Variants in LGR5 observed in about 807,000 individuals in gnomAD.
The protein encoded by LGR5 is leucine-rich repeat-containing G protein-coupled receptor 5.
A neutral mutation model predicts 76.7 loss-of-function variants in LGR5; 54 were observed. That is an observed-to-expected ratio of 0.70 (90% CI 0.57 to 0.88). LGR5 has a LOEUF of 0.88. LGR5 is among the 40% of genes least tolerant of loss of function. The probability of loss-of-function intolerance (pLI) is 0.00; values close to 1 mark genes in which losing one functional copy is unlikely to be tolerated. For synonymous variants in LGR5, 406 were observed against 421.9 expected (o/e 0.96, Z 0.46); for missense variants, 1,078 against 1,073.3 (o/e 1.00, Z -0.06).
Position 71,584,480 on chromosome 12 carries a change from A to AG in LGR5, c.2470_2471insG (p.Asn824ArgfsTer5). ...CAATCCCCTTCTCTACATCTTGTTC[A>AG]ATCCTCACTTTAAGGAGGATCTGGT... On this transcript the variant is annotated frameshift_variant, in exon 18 of 18. Transcript: ENST00000266674. LOFTEE classifies it high-confidence loss of function. 6.2e-7 allele frequency: 1 copy of AG among 1,614,158 alleles called. No individual in the cohort carries two copies. The highest frequency in any genetic ancestry group is 1.1e-5 in the South Asian group (1 of 91,082).
chr12:71,561,078 T>A (rs1189061370), intron 7 of LGR5, among the ~76,000 whole-genome samples: 1 of 152,100 alleles, frequency 6.6e-6, no homozygotes, highest in Non-Finnish European at 1.5e-5. Context: ...CAGTGAGAAA[T>A]AAGACATACA....
At chr12:71,447,434 G>A (rs531662660) in intron 1 of LGR5, among the ~76,000 whole-genome samples, 56 of 152,234 alleles carry the variant, frequency 3.7e-4, no homozygotes, top group African/African-American at 1.3e-3. Context: ...CTGATGTTTA[G>A]AAAAATTAGG....
At position 71,560,245 on chromosome 12, in the gene LGR5, C is replaced by G. The variant is rs557890738; in HGVS notation, c.785+591C>G. Among the ~76,000 whole-genome samples, 284 of 152,150 alleles carry G rather than the reference C, an allele frequency of 1.9e-3. 1 individual carries two copies. Among genetic ancestry groups the G allele is most frequent in the African/African-American group, 5.0e-3 (209 of 41,494 alleles). ...AAGCCTTATCAATAATATAAACAGT[C>G]TATTAACACATATTTTGTATATGTA... On this transcript the variant is annotated intron_variant, in intron 7 of 17. Coordinates refer to ENST00000266674, the MANE Select transcript of LGR5 (RefSeq NM_003667.4).
chr12:71,541,142 C>T (rs978772739), intron 4 of LGR5, among the ~76,000 whole-genome samples: 3 of 152,128 alleles, frequency 2.0e-5, no homozygotes, highest in African/African-American at 7.2e-5. Flanking sequence ...AAAAGTTTTG[C>T]CCGGACTCTT....
chr12:71,447,279 T>C (rs1872043846), intron 1 of LGR5, among the ~76,000 whole-genome samples: 1 of 152,246 alleles, frequency 6.6e-6, no homozygotes, highest in South Asian at 2.1e-4. Flanking sequence ...GAAATCTGCA[T>C]AAGTCATAGA....
At position 71,572,895 on chromosome 12, in the gene LGR5, C is replaced by G. The variant is rs771207881; in HGVS notation, c.1182C>G (p.Phe394Leu). ...TCTACGAAATTAAAGTTGACACTTT[C>G]CAGCAGTTGCTTAGCCTCCGATCGC... ...NEIYEIKVDT[F>L]QQLLSLRSLN... Residue 394 changes from phenylalanine to leucine, a missense_variant, in exon 13 of 18, where the codon TTC becomes TTG. Coordinates refer to ENST00000266674, the MANE Select transcript of LGR5 (RefSeq NM_003667.4). 1.2e-6 allele frequency: 2 copies of G among 1,613,824 alleles called. No individual in the cohort carries two copies. The highest frequency in any genetic ancestry group is 1.6e-4 in the Middle Eastern group (1 of 6,062).
At chr12:71,553,618 A>T (rs1243089167) in intron 5 of LGR5, among the ~76,000 whole-genome samples, 1 of 152,066 alleles carries the variant, frequency 6.6e-6, no homozygotes, top group Non-Finnish European at 1.5e-5. Context: ...TCCTTATTTT[A>T]AAAAATAATT....
intron 2 of LGR5, 80 bp downstream of exon 2, chr12:71,504,765 A>G (rs1729021056): frequency 8.5e-7 from 1 of 1,179,474 alleles, no homozygotes; most frequent in South Asian, 1.2e-5. Context: ...TACTGTGGGA[A>G]CCAGATAAAA....
chr12:71,539,755 G>A (rs999410101), intron 4 of LGR5, among the ~76,000 whole-genome samples: 5 of 152,190 alleles, frequency 3.3e-5, no homozygotes, highest in African/African-American at 4.8e-5. Context: ...CGGGATTACA[G>A]GAGTGAGCCA....
intron 4 of LGR5, among the ~76,000 whole-genome samples, chr12:71,548,103 A>G (rs1035304611): frequency 2.0e-5 from 3 of 152,180 alleles, no homozygotes; most frequent in African/African-American, 7.2e-5. Context: ...CATTATTGAA[A>G]GTGTTTTACT....
chr12:71,456,580 G>T (rs1872486838), intron 1 of LGR5, among the ~76,000 whole-genome samples: 1 of 152,148 alleles, frequency 6.6e-6, no homozygotes, highest in South Asian at 2.1e-4. Flanking sequence ...TGAAGTGAAA[G>T]AAGGCAACCA....
intron 4 of LGR5, among the ~76,000 whole-genome samples, chr12:71,540,867 A>T (rs1053208343): frequency 6.6e-6 from 1 of 152,180 alleles, no homozygotes; most frequent in Non-Finnish European, 1.5e-5. Context: ...CAAAGGGGTT[A>T]AAAAAACAGT....
In LGR5 at chr12:71,578,929, A is replaced by G. The variant is rs1344042038; in HGVS notation, c.1406A>G (p.Lys469Arg). The change falls in exon 15 of 18, where the codon AAG becomes AGG. Residue 469 changes from lysine (K) to arginine (R), a missense_variant and splice_region_variant. Physicochemically the swap from Lys to Arg is conservative, Grantham distance 26 (BLOSUM62 2). Coordinates refer to ENST00000266674, the MANE Select transcript of LGR5 (RefSeq NM_003667.4). The part of the protein sequence containing the change: ...LISSENFPEL[K>R]VIEMPYAYQC... ...TCATCTGAAAACTTTCCAGAACTCA[A>G]GTGAGTTTGTCATTAAAACTAATAA... The G allele has an allele frequency of 1.3e-6, 2 of 1,597,888 alleles. No individual in the cohort carries two copies. Among genetic ancestry groups the G allele is most frequent in the Non-Finnish European group, 1.7e-6 (2 of 1,173,650 alleles).
At chr12:71,503,676 T>G (rs993519628) in intron 1 of LGR5, among the ~76,000 whole-genome samples, 3 of 152,224 alleles carry the variant, frequency 2.0e-5, no homozygotes, top group African/African-American at 7.2e-5. Context: ...TAAATTTTAA[T>G]GGAGGCCTGG....
chr12:71,559,570 A>T lies in LGR5; in HGVS notation c.717-16A>T, dbSNP rs770827523. On this transcript the variant is annotated splice_polypyrimidine_tract_variant and intron_variant, in intron 6 of 17. Coordinates refer to ENST00000266674, the MANE Select transcript of LGR5 (RefSeq NM_003667.4). ...TTTTAAATAAAAAACTGAAAATACTATGTACTCATTTTCAGAGATTTAAAT... is the reference window on the plus strand; with the variant it reads ...TTTTAAATAAAAAACTGAAAATACTTTGTACTCATTTTCAGAGATTTAAAT... 7.2e-7 allele frequency: 1 copy of T among 1,389,286 alleles called. No homozygotes were observed. Among genetic ancestry groups the T allele is most frequent in the Admixed American group, 1.7e-5 (1 of 59,238 alleles). 86.1% of individuals were successfully genotyped at this position (1,389,286 alleles called of 1,614,324 possible).
chr12:71,464,761 T>C (rs1872798996), intron 1 of LGR5, among the ~76,000 whole-genome samples: 2 of 152,242 alleles, frequency 1.3e-5, no homozygotes, highest in South Asian at 4.1e-4. Flanking sequence ...TGATATTTAA[T>C]TTAAAATGTC....
intron 2 of LGR5, among the ~76,000 whole-genome samples, chr12:71,522,452 T>C (rs1875771213): frequency 6.6e-6 from 1 of 152,216 alleles, no homozygotes; most frequent in Admixed American, 6.5e-5. Flanking sequence ...ACATATTTAT[T>C]AAGTGCCAAC....
chr12:71,494,327 T>C (rs1874218890), intron 1 of LGR5, among the ~76,000 whole-genome samples: 1 of 150,660 alleles, frequency 6.6e-6, no homozygotes, highest in South Asian at 2.1e-4. Context: ...ATCCTCCCAC[T>C]GAGACCTCCC....
intron 1 of LGR5, among the ~76,000 whole-genome samples, chr12:71,458,115 T>C (rs1872558743): frequency 6.6e-6 from 1 of 152,192 alleles, no homozygotes; most frequent in Non-Finnish European, 1.5e-5. Flanking sequence ...AAAAAAAATC[T>C]ACTATTTAGT....
Sources: gnomAD v4.1 joint callset for allele counts (sites outside exome capture counted in the v4.1 genomes callset) on GRCh38, gnomAD v4.1.1 for gene constraint, MANE v1.5 for transcripts, NCBI Gene and HGNC (gene_info 2026-07-23, HGNC 2026-07-21) for gene names.